The following CHST9 variants were observed in gnomAD, a reference collection of about 807,000 sequenced individuals.
CHST9 encodes GalNAc-4-sulfotransferase 2.
A neutral mutation model predicts 44.4 loss-of-function variants in CHST9; 41 were observed. The ratio of observed to expected loss-of-function variants is 0.92; its 90% CI spans 0.72 to 1.20. The LOEUF is 1.20. Ranked by LOEUF, CHST9 falls within the 50% of genes most tolerant of loss-of-function variation. The probability of loss-of-function intolerance (pLI) is 0.00; values close to 1 mark genes in which losing one functional copy is unlikely to be tolerated. For synonymous variants in CHST9, 171 were observed against 178.4 expected, an observed-to-expected ratio of 0.96 and a Z score of 0.33; for missense variants, 504 against 516.5, an observed-to-expected ratio of 0.98 and a Z score of 0.23.
At chr18:26,942,343 G>A (rs2056096454) in intron 5 of CHST9, among the ~76,000 whole-genome samples, 1 of 152,176 alleles carries the variant, frequency 6.6e-6, no homozygotes, top group South Asian at 2.1e-4. Flanking sequence ...AGCAATGATT[G>A]AAGGAGACGA....
At chr18:27,111,109 G>C (rs898466022) in intron 2 of CHST9, among the ~76,000 whole-genome samples, 2 of 152,226 alleles carry the variant, frequency 1.3e-5, no homozygotes, top group Admixed American at 1.3e-4. Context: ...AGGGCTCCCT[G>C]ATGCTGCGGG....
chr18:26,993,723 A>C (rs556425808), intron 4 of CHST9, among the ~76,000 whole-genome samples: 4 of 152,362 alleles, frequency 2.6e-5, no homozygotes, highest in African/African-American at 9.6e-5. Flanking sequence ...GTAAAAGCAA[A>C]ACAGAACACT....
At chr18:27,172,362 T>C (rs1211834191) in intron 1 of CHST9, among the ~76,000 whole-genome samples, 2 of 152,060 alleles carry the variant, frequency 1.3e-5, no homozygotes, top group Non-Finnish European at 2.9e-5. Flanking sequence ...TTTTACCCAG[T>C]TTTCTTGGGT....
At chr18:26,929,660 T>C (rs982713652) in intron 5 of CHST9, among the ~76,000 whole-genome samples, 2 of 152,026 alleles carry the variant, frequency 1.3e-5, no homozygotes, top group African/African-American at 4.8e-5. Flanking sequence ...ACTGTCCAAG[T>C]GGGTAGAGAG....
At chr18:26,927,322 G>C (rs534834927) in intron 5 of CHST9, among the ~76,000 whole-genome samples, 34 of 152,222 alleles carry the variant, frequency 2.2e-4, no homozygotes, top group Admixed American at 1.4e-3. Flanking sequence ...TTTCTCGTCG[G>C]GGGGCGGGGG....
intron 2 of CHST9, among the ~76,000 whole-genome samples, chr18:27,116,626 C>CA (rs1426303591): frequency 6.6e-6 from 1 of 151,878 alleles, no homozygotes; most frequent in Non-Finnish European, 1.5e-5. Flanking sequence ...TCAATTTTGG[C>CA]AAAAAAGGCA....
chr18:26,925,597 T>C (rs183023907), intron 5 of CHST9, among the ~76,000 whole-genome samples: 20 of 152,350 alleles, frequency 1.3e-4, no homozygotes, highest in African/African-American at 4.6e-4. Flanking sequence ...GTTAAGAACA[T>C]GGATTTTTGA....
At chr18:27,169,598 C>CTTTTTTTTT (rs1156859087) in intron 1 of CHST9, among the ~76,000 whole-genome samples, 5 of 82,160 alleles carry the variant, frequency 6.1e-5, no homozygotes, top group African/African-American at 2.0e-4. Flanking sequence ...ATATATTCTT[C>CTTTTTTTTT]TTTTTTTTTT....
chr18:26,910,324 ACCTCACT>A lies in CHST9; in HGVS notation c.*5928_*5934del, dbSNP rs528704749. ...GGATATGGAAACCCGGAATGGGATA[ACCTCACT>A]ACCTGCACAACACAAATAGGGTCAA... On this transcript the variant is annotated 3_prime_UTR_variant, in exon 6 of 6. Coordinates refer to ENST00000618847, the MANE Select transcript of CHST9 (RefSeq NM_031422.6). The A allele has an allele frequency of 5.4e-3, 23 of 4,296 alleles. No individual in the cohort carries two copies. The highest frequency in any genetic ancestry group is 0.037 in the African/African-American group (22 of 588). The allele number at this position is 4,296 out of a possible 1,614,324, so 0.3% of individuals were successfully genotyped here.
chr18:27,158,897 T>C (rs1167294268), intron 1 of CHST9, among the ~76,000 whole-genome samples: 2 of 152,294 alleles, frequency 1.3e-5, no homozygotes, highest in Non-Finnish European at 1.5e-5. Flanking sequence ...GCTGCATAAA[T>C]GTCTTCTTTT....
At chr18:27,103,926 G>T (rs1304192262) in intron 2 of CHST9, among the ~76,000 whole-genome samples, 1 of 152,144 alleles carries the variant, frequency 6.6e-6, no homozygotes, top group Non-Finnish European at 1.5e-5. Context: ...AGATTTCTAG[G>T]ATTTACAGGT....
intron 4 of CHST9, among the ~76,000 whole-genome samples, chr18:27,015,323 TTGTGTGTGTGTGTGTGTG>T (rs10690815): frequency 2.0e-5 from 3 of 146,344 alleles, no homozygotes; most frequent in African/African-American, 5.1e-5. Context: ...AGAGAGGCAG[TTGTGTGTGTGTGTGTGTG>T]TGTGTGTGTG....
intron 2 of CHST9, among the ~76,000 whole-genome samples, chr18:27,089,189 G>T (rs1448082096): frequency 1.3e-5 from 2 of 150,920 alleles, no homozygotes; most frequent in Non-Finnish European, 2.9e-5. Flanking sequence ...TGTGCACAAC[G>T]TGCAGGTTTG....
chr18:27,056,824 C>T (rs1483371146), intron 2 of CHST9, among the ~76,000 whole-genome samples: 1 of 152,174 alleles, frequency 6.6e-6, no homozygotes, highest in Admixed American at 6.5e-5. Flanking sequence ...CATCACCTCC[C>T]TCTCTTCCCT....
rs1017957198 is a variant in CHST9, at chr18:26,917,139, C to T, written c.452G>A (p.Trp151Ter). ...TVFNKFSNMN[W>*]PVDIHPLNKS... The stretch of plus-strand genomic sequence containing the variant: ...GTTTAAAGGGTGAATGTCCACTGGC[C>T]AATTCATGTTGCTGAACTTGTTAAA... The change falls in exon 6 of 6, where the codon TGG becomes TAG. Residue 151 changes from tryptophan to a stop codon, truncating the protein, a stop_gained. Transcript: ENST00000618847. LOFTEE classifies it high-confidence loss of function. 1 of 1,613,862 alleles carries T rather than the reference C, an allele frequency of 6.2e-7. No individual in the cohort carries two copies. Among genetic ancestry groups the T allele is most frequent in the Non-Finnish European group, 8.5e-7 (1 of 1,179,850 alleles).
intron 1 of CHST9, among the ~76,000 whole-genome samples, chr18:27,178,417 G>GA (rs2058885229): frequency 6.6e-6 from 1 of 151,870 alleles, no homozygotes; most frequent in South Asian, 2.1e-4. Flanking sequence ...AGAAATCTAA[G>GA]AAAAAATATC....
intron 4 of CHST9, among the ~76,000 whole-genome samples, chr18:26,981,034 T>C (rs1011563440): frequency 6.6e-5 from 10 of 152,198 alleles, no homozygotes; most frequent in African/African-American, 2.4e-4. Context: ...AGTTCTGTGA[T>C]GTTGATGGAG....
At chr18:27,045,056 A>AC (rs948729907) in intron 3 of CHST9, among the ~76,000 whole-genome samples, 1 of 151,944 alleles carries the variant, frequency 6.6e-6, no homozygotes, top group African/African-American at 2.4e-5. Flanking sequence ...GAAAAAAAAA[A>AC]AAAAACCATT....
At chr18:27,156,590 A>T (rs940342164) in intron 1 of CHST9, among the ~76,000 whole-genome samples, 1 of 152,088 alleles carries the variant, frequency 6.6e-6, no homozygotes, top group African/African-American at 2.4e-5. Context: ...AGAGACAAAG[A>T]TTTTAAAAAG....
Sources: allele counts gnomAD v4.1 joint callset (sites outside exome capture counted in the v4.1 genomes callset), GRCh38; gene constraint gnomAD v4.1.1; transcripts MANE v1.5; gene names NCBI Gene and HGNC (gene_info 2026-07-23, HGNC 2026-07-21).